Variants in CHRM3 observed in about 807,000 individuals in gnomAD.
CHRM3 encodes cholinergic receptor muscarinic 3.
CHRM3 carries 11 observed loss-of-function variants against 41.8 expected under a neutral mutation model. The observed-to-expected ratio is 0.26, with a 90% CI of 0.17 to 0.44. CHRM3 has a LOEUF of 0.44. CHRM3 is among the 20% of genes least tolerant of loss of function. CHRM3 has a pLI of 1.00. For missense variants in CHRM3, 571 were observed against 745.4 expected (o/e 0.77, Z 2.72); for synonymous variants, 297 against 301.4 (o/e 0.99, Z 0.15).
At chr1:239,686,900 T>C (rs1455131887) in intron 5 of CHRM3, among the ~76,000 whole-genome samples, 1 of 152,166 alleles carries the variant, frequency 6.6e-6, no homozygotes, top group Non-Finnish European at 1.5e-5. Context: ...TAGAGAAAAA[T>C]GTAATATACC....
At chr1:239,843,092 T>C (rs1292584545) in intron 6 of CHRM3, among the ~76,000 whole-genome samples, 1 of 152,160 alleles carries the variant, frequency 6.6e-6, no homozygotes, top group Non-Finnish European at 1.5e-5. Flanking sequence ...CTTTATTGCC[T>C]TTTAGGGCTT....
intron 5 of CHRM3, chr1:239,707,193 A>T (rs1373126879): frequency 3.3e-5 from 5 of 152,214 alleles, no homozygotes; most frequent in African/African-American, 1.2e-4. Flanking sequence ...TTATATAAAG[A>T]ATATAATAAG....
chr1:239,832,683 C>G (rs493544), intron 6 of CHRM3, among the ~76,000 whole-genome samples: 1 of 151,528 alleles, frequency 6.6e-6, no homozygotes, highest in Non-Finnish European at 1.5e-5. Context: ...AGGAAGAACA[C>G]GTTCATCCTA....
At chr1:239,593,193 C>A (rs1287239843) in intron 3 of CHRM3, among the ~76,000 whole-genome samples, 1 of 152,126 alleles carries the variant, frequency 6.6e-6, no homozygotes, top group Non-Finnish European at 1.5e-5. Context: ...TGTTTGCTCA[C>A]TGATTGACCT....
intron 3 of CHRM3, among the ~76,000 whole-genome samples, chr1:239,558,381 T>C (rs1660563376): frequency 1.3e-5 from 2 of 152,202 alleles, no homozygotes; most frequent in African/African-American, 4.8e-5. Flanking sequence ...TAGACTTTTG[T>C]CAGATGGATA....
intron 4 of CHRM3, among the ~76,000 whole-genome samples, chr1:239,671,500 G>A (rs2149059607): frequency 6.6e-6 from 1 of 152,222 alleles, no homozygotes. Context: ...CTTCAGCCTA[G>A]GAGGTGAAGC....
At chr1:239,481,142 A>G (rs774077001) in intron 1 of CHRM3, among the ~76,000 whole-genome samples, 7 of 152,234 alleles carry the variant, frequency 4.6e-5, no homozygotes, top group African/African-American at 7.2e-5. Flanking sequence ...AACAATATTC[A>G]TGACATATAA....
At chr1:239,576,594 GCACACACA>G (rs3063538) in intron 3 of CHRM3, among the ~76,000 whole-genome samples, 1 of 141,680 alleles carries the variant, frequency 7.1e-6, no homozygotes, top group Admixed American at 7.1e-5. Flanking sequence ...ACACACACAC[GCACACACA>G]CACACACACA....
At chr1:239,470,881 C>G (rs1292663952) in intron 1 of CHRM3, among the ~76,000 whole-genome samples, 1 of 152,130 alleles carries the variant, frequency 6.6e-6, no homozygotes, top group African/African-American at 2.4e-5. Context: ...TTGCTTCAGG[C>G]TCTGGTTTAC....
chr1:239,830,878 G>T (rs769373723), intron 6 of CHRM3, among the ~76,000 whole-genome samples: 16 of 152,100 alleles, frequency 1.1e-4, no homozygotes, highest in Non-Finnish European at 2.1e-4. Context: ...CCATATTTTT[G>T]ATTGGTGGTT....
chr1:239,699,787 A>G (rs1660518055), intron 5 of CHRM3, among the ~76,000 whole-genome samples: 1 of 152,232 alleles, frequency 6.6e-6, no homozygotes, highest in South Asian at 2.1e-4. Flanking sequence ...AATTGGTTAT[A>G]ACAAATTGCA....
intron 2 of CHRM3, among the ~76,000 whole-genome samples, chr1:239,502,079 G>A (rs928138334): frequency 1.3e-5 from 2 of 151,986 alleles, no homozygotes; most frequent in African/African-American, 4.8e-5. Flanking sequence ...ACCAAGATCA[G>A]AGCAGAACTA....
intron 5 of CHRM3, among the ~76,000 whole-genome samples, chr1:239,726,888 TA>T (rs1381241765): frequency 2.0e-5 from 3 of 151,936 alleles, no homozygotes; most frequent in Non-Finnish European, 4.4e-5. Context: ...ACTCTTTGCC[TA>T]AATTAATAAT....
In CHRM3 at chr1:239,554,198, T is replaced by C. The variant is rs144869427; in HGVS notation, c.-313+8449T>C. Reference sequence around the variant, plus strand: ...TTTAATAAAGAAGATAATTATGATGTTGTGAAGTCATTTGAAATTCAAACA... The same window carrying C: ...TTTAATAAAGAAGATAATTATGATGCTGTGAAGTCATTTGAAATTCAAACA... On this transcript the variant is annotated intron_variant, in intron 3 of 6. Transcript: ENST00000676153. Among the ~76,000 whole-genome samples the C allele has an allele frequency of 2.5e-3, 377 of 152,326 alleles. 1 individual carries two copies. Among genetic ancestry groups the C allele is most frequent in the African/African-American group, 8.6e-3 (356 of 41,578 alleles).
At chr1:239,905,328 A>G (rs977892781) in intron 6 of CHRM3, among the ~76,000 whole-genome samples, 1 of 152,200 alleles carries the variant, frequency 6.6e-6, no homozygotes, top group African/African-American at 2.4e-5. Context: ...AGGTCCTCCC[A>G]GACATCACCT....
chr1:239,573,570 A>G (rs927147561), intron 3 of CHRM3, among the ~76,000 whole-genome samples: 1 of 152,008 alleles, frequency 6.6e-6, no homozygotes, highest in Non-Finnish European at 1.5e-5. Flanking sequence ...AAATCAAATG[A>G]TCCTTAATAT....
In CHRM3 at chr1:239,482,059, T is replaced by C. The variant is rs140795657; in HGVS notation, c.-520-10650T>C. Among the ~76,000 whole-genome samples the C allele has an allele frequency of 5.6e-4, 85 of 152,280 alleles. 1 individual carries two copies. Among genetic ancestry groups the C allele is most frequent in the Non-Finnish European group, 9.0e-4 (61 of 68,006 alleles). ...AATTCTTTTTTCTATTACAAAGGCT[T>C]ATTTTTTTCATTTTCTCTTCTTTTA... On this transcript the variant is annotated intron_variant, in intron 1 of 6. Transcript: ENST00000676153.
At chr1:239,736,163 A>G (rs2148458369) in intron 5 of CHRM3, among the ~76,000 whole-genome samples, 1 of 152,192 alleles carries the variant, frequency 6.6e-6, no homozygotes, top group South Asian at 2.1e-4. Context: ...TTTAATCTTC[A>G]CAAAAGTCCC....
Position 239,547,791 on chromosome 1 carries a change from T to A in CHRM3, c.-313+2042T>A, listed in dbSNP as rs113121043. Among the ~76,000 whole-genome samples, 143 of 152,354 alleles carry A rather than the reference T, an allele frequency of 9.4e-4. 1 individual carries two copies. Among genetic ancestry groups the A allele is most frequent in the African/African-American group, 3.4e-3 (140 of 41,588 alleles). On this transcript the variant is annotated intron_variant, in intron 3 of 6. Coordinates refer to ENST00000676153, the MANE Select transcript of CHRM3 (RefSeq NM_001375978.1). Reference sequence around the variant, plus strand: ...TTCATAAATGTGCTCAATTATTGATTTATTTTGTTAGATTCAGAATTTCAA... The same window carrying A: ...TTCATAAATGTGCTCAATTATTGATATATTTTGTTAGATTCAGAATTTCAA...
Sources: gnomAD v4.1 joint callset for allele counts (sites outside exome capture counted in the v4.1 genomes callset) on GRCh38, gnomAD v4.1.1 for gene constraint, MANE v1.5 for transcripts, NCBI Gene and HGNC (gene_info 2026-07-23, HGNC 2026-07-21) for gene names.